Variants in HECTD4 observed in about 807,000 individuals in gnomAD.
HECTD4 encodes probable E3 ubiquitin-protein ligase HECTD4.
Under a neutral mutation model 471.5 loss-of-function variants are expected in HECTD4, and 114 were observed. The observed-to-expected ratio is 0.24, with a 90% CI of 0.21 to 0.28. The LOEUF is 0.28. Ranked by LOEUF, HECTD4 falls within the 10% of genes least tolerant of loss-of-function variation. The pLI, the probability that HECTD4 is intolerant of heterozygous loss-of-function variation, is 1.00. For synonymous variants in HECTD4, 2,012 were observed against 2,256.0 expected, an observed-to-expected ratio of 0.89 and a Z score of 3.07; for missense variants, 3,866 against 5,651.5, an observed-to-expected ratio of 0.68 and a Z score of 10.13.
chr12:112,301,468 C>T (rs1050715373), intron 7 of HECTD4, among the ~76,000 whole-genome samples: 7 of 152,202 alleles, frequency 4.6e-5, no homozygotes, highest in African/African-American at 1.7e-4. Context: ...AGGTGTGAGC[C>T]ACTGCACCCA....
chr12:112,313,478 C>G (rs1429597685), intron 3 of HECTD4, among the ~76,000 whole-genome samples: 1 of 124,176 alleles, frequency 8.1e-6, no homozygotes, highest in African/African-American at 3.2e-5. Flanking sequence ...CAATGCCCGG[C>G]TAATTTTTTT....
intron 55 of HECTD4, among the ~76,000 whole-genome samples, chr12:112,196,800 T>C (rs1019079559): frequency 2.6e-5 from 4 of 151,910 alleles, no homozygotes; most frequent in African/African-American, 4.8e-5. Context: ...CTCTCTCTCT[T>C]TTTTTTGTTT....
chr12:112,192,571 T>G lies in HECTD4; in HGVS notation c.9281A>C (p.His3094Pro). Residue 3094 changes from histidine (H) to proline (P), a missense_variant, in exon 59 of 76, where the codon CAC becomes CCC. By Grantham distance (77) the His-to-Pro change is moderately conservative. Around this residue, in one of 16 missense-constraint regions of HECTD4, gnomAD observed 364 missense variants for 413.2 expected, o/e 0.88. Coordinates refer to ENST00000682272, the MANE Select transcript of HECTD4 (RefSeq NM_001388303.1). The part of the protein sequence containing the change: ...PSVVLSTDRV[H>P]IKLGVSPPPG... The stretch of plus-strand genomic sequence containing the variant: ...TGCTGGAGACTCACCCAGTTTGATG[T>G]GGACCCTGTCTGTGGAGAGGACCAC... The G allele has an allele frequency of 6.3e-7, 1 of 1,576,648 alleles. No individual in the cohort carries two copies. The highest frequency in any genetic ancestry group is 8.6e-7 in the Non-Finnish European group (1 of 1,158,546).
At chr12:112,245,533 C>T (rs2033742281) in intron 29 of HECTD4, among the ~76,000 whole-genome samples, 1 of 152,088 alleles carries the variant, frequency 6.6e-6, no homozygotes, top group South Asian at 2.1e-4. Context: ...CTGTGTCTTC[C>T]CCTGAAGTTC....
intron 41 of HECTD4, among the ~76,000 whole-genome samples, chr12:112,229,172 C>T (rs998153279): frequency 6.6e-6 from 1 of 152,008 alleles, no homozygotes; most frequent in Non-Finnish European, 1.5e-5. Flanking sequence ...ATTAAAAATA[C>T]AAAAACTAGC....
intron 7 of HECTD4, among the ~76,000 whole-genome samples, chr12:112,305,004 G>A (rs1440672210): frequency 2.0e-5 from 3 of 152,040 alleles, no homozygotes; most frequent in African/African-American, 7.2e-5. Context: ...CATGAAAAAA[G>A]GTTTTGTCAC....
At chr12:112,259,370 T>C in intron 18 of HECTD4, 105 bp from the exon 19 acceptor site, 7 of 1,181,048 alleles carry the variant, frequency 5.9e-6, no homozygotes, top group Non-Finnish European at 8.4e-6. Context: ...TGCACCTCCT[T>C]AAACTACTTA....
chr12:112,269,861 G>A lies in HECTD4; in HGVS notation c.2176-12C>T. On this transcript the variant is annotated splice_polypyrimidine_tract_variant and intron_variant, in intron 12 of 75. Coordinates refer to ENST00000682272, the MANE Select transcript of HECTD4 (RefSeq NM_001388303.1). ...AATTTAAATACCACCTACAGAAACA[G>A]AAGGAGTCTATCTAAAAATGCTAAT... The A allele has an allele frequency of 1.2e-6, 2 of 1,611,212 alleles. No homozygotes were observed. Among genetic ancestry groups the A allele is most frequent in the Middle Eastern group, 1.7e-4 (1 of 6,060 alleles).
intron 48 of HECTD4, among the ~76,000 whole-genome samples, chr12:112,215,735 G>A (rs1165997800): frequency 2.0e-5 from 3 of 152,154 alleles, no homozygotes; most frequent in Non-Finnish European, 1.5e-5. Flanking sequence ...AACCTTCTGG[G>A]TTCAAGTGAT....
intron 7 of HECTD4, among the ~76,000 whole-genome samples, chr12:112,298,905 T>C (rs568983115): frequency 1.1e-4 from 16 of 147,824 alleles, no homozygotes; most frequent in Non-Finnish European, 1.9e-4. Context: ...AAACACAAAG[T>C]GCTGGGGTTA....
intron 15 of HECTD4, among the ~76,000 whole-genome samples, chr12:112,265,630 T>TTTTG (rs2034251796): frequency 6.6e-6 from 1 of 152,196 alleles, no homozygotes; most frequent in African/African-American, 2.4e-5. Flanking sequence ...GTAAGTTCCA[T>TTTTG]CTGTTATTTT....
chr12:112,263,562 C>A (rs1481244076), intron 17 of HECTD4, among the ~76,000 whole-genome samples: 4 of 151,992 alleles, frequency 2.6e-5, no homozygotes, highest in Non-Finnish European at 5.9e-5. Flanking sequence ...AAAATAATCA[C>A]AGAAAATGAA....
chr12:112,187,317 G>A (rs2031908962), intron 60 of HECTD4, among the ~76,000 whole-genome samples: 1 of 152,142 alleles, frequency 6.6e-6, no homozygotes, highest in Non-Finnish European at 1.5e-5. Context: ...GAGTCCCAGA[G>A]CCTTTGACAG....
At chr12:112,315,075 G>T (rs1283507619) in intron 2 of HECTD4, among the ~76,000 whole-genome samples, 1 of 152,188 alleles carries the variant, frequency 6.6e-6, no homozygotes, top group Non-Finnish European at 1.5e-5. Context: ...GCACATAGTT[G>T]TAATACTTGC....
Position 112,205,068 on chromosome 12 carries a change from G to A in HECTD4, c.8132-445C>T, listed in dbSNP as rs893621282. Among the ~76,000 whole-genome samples, 3 of 150,440 alleles carry A rather than the reference G, an allele frequency of 2.0e-5. No homozygotes were observed. In the Admixed American group the frequency reaches 2.0e-4, roughly 10 times the overall value. On this transcript the variant is annotated intron_variant, in intron 52 of 75. Transcript: ENST00000682272. Reference sequence around the variant, plus strand: ...GAATTGCTTGAACCCAGGAGACAGAGGTTGCAGTGAGCCAAGCTGGCGCCA... The same window carrying A: ...GAATTGCTTGAACCCAGGAGACAGAAGTTGCAGTGAGCCAAGCTGGCGCCA...
chr12:112,162,823 A>G lies in HECTD4; in HGVS notation c.13120+219T>C. Reference sequence around the variant, plus strand: ...ATTTAAAAGTTAGAAGATTTGAAGCATTCTGGATTTTCAGCTTCTTTTAAG... The same window carrying G: ...ATTTAAAAGTTAGAAGATTTGAAGCGTTCTGGATTTTCAGCTTCTTTTAAG... On this transcript the variant is annotated intron_variant, in intron 75 of 75. Coordinates refer to ENST00000682272, the MANE Select transcript of HECTD4 (RefSeq NM_001388303.1). This position sits in a 1 kb window ranked among gnomAD's most constrained non-coding sequence, Gnocchi z 5.2. 1.8e-6 allele frequency: 1 copy of G among 556,044 alleles called. No individual in the cohort carries two copies. The allele number at this position is 556,044 out of a possible 1,614,324, so 34.4% of individuals were successfully genotyped here.
chr12:112,192,282 T>G lies in HECTD4; in HGVS notation c.9292+278A>C, dbSNP rs562079008. 3.1e-3 allele frequency among the ~76,000 whole-genome samples: 467 copies of G among 152,338 alleles called. 3 individuals carry two copies. The highest frequency in any genetic ancestry group is 0.01 in the African/African-American group (427 of 41,578). On this transcript the variant is annotated intron_variant, in intron 59 of 75. Transcript: ENST00000682272. ...TGTGATTGCTCTGGTTGTATCATTC[T>G]AAACAGACACATCTCAGCACATACT...
intron 7 of HECTD4, among the ~76,000 whole-genome samples, chr12:112,285,251 A>C (rs1314588532): frequency 6.6e-6 from 1 of 152,106 alleles, no homozygotes; most frequent in Admixed American, 6.5e-5. Flanking sequence ...TTGCTGGTCA[A>C]CATCTTCATT....
intron 1 of HECTD4, among the ~76,000 whole-genome samples, chr12:112,374,441 C>T (rs1383005883): frequency 6.6e-6 from 1 of 152,186 alleles, no homozygotes; most frequent in Non-Finnish European, 1.5e-5. Context: ...AACTTCAAGG[C>T]AATACTGTCT....
Sources: allele counts gnomAD v4.1 joint callset (sites outside exome capture counted in the v4.1 genomes callset), GRCh38; gene constraint gnomAD v4.1.1; regional missense constraint gnomAD v4.1.1; non-coding constraint Gnocchi (gnomAD v3.1); transcripts MANE v1.5; gene names NCBI Gene and HGNC (gene_info 2026-07-23, HGNC 2026-07-21).